The following ITGA8 variants were observed in gnomAD, a reference collection of about 807,000 sequenced individuals.
ITGA8 encodes the protein integrin subunit alpha 8.
In ITGA8, 91 loss-of-function variants were observed where a neutral mutation model predicts 142.3. That is an observed-to-expected ratio of 0.64 (90% CI 0.54 to 0.76). ITGA8 has a LOEUF of 0.76. Among genes scored for constraint, ITGA8 ranks in the 30% least tolerant of loss-of-function variants. The pLI, the probability that ITGA8 is intolerant of heterozygous loss-of-function variation, is 0.00. For missense variants in ITGA8, 1,406 were observed against 1,327.7 expected, an observed-to-expected ratio of 1.06 and a Z score of -0.92; for synonymous variants, 505 against 485.2, an observed-to-expected ratio of 1.04 and a Z score of -0.54.
chr10:15,669,363 G>C (rs899836676), intron 8 of ITGA8, among the ~76,000 whole-genome samples: 1 of 152,176 alleles, frequency 6.6e-6, no homozygotes, highest in African/African-American at 2.4e-5. Flanking sequence ...TTGGTTTTCA[G>C]CTCCATCAGG....
chr10:15,682,819 A>C (rs1266410941), intron 4 of ITGA8, among the ~76,000 whole-genome samples: 3 of 145,330 alleles, frequency 2.1e-5, no homozygotes, highest in Admixed American at 7.1e-5. Flanking sequence ...ACACTATTGC[A>C]CTCCAGCCTG....
chr10:15,637,105 G>A (rs1441692615), intron 13 of ITGA8, among the ~76,000 whole-genome samples: 3 of 152,158 alleles, frequency 2.0e-5, no homozygotes, highest in Admixed American at 6.5e-5. Flanking sequence ...AGATTGTGAC[G>A]CTGCACTCCA....
chr10:15,687,836 A>C, intron 3 of ITGA8, 102 bp downstream of exon 3: 2 of 731,208 alleles, frequency 2.7e-6, no homozygotes, highest in Admixed American at 4.0e-5. Flanking sequence ...TGAAAGTCTA[A>C]CATGTTCCTT....
intron 13 of ITGA8, among the ~76,000 whole-genome samples, chr10:15,630,431 C>T (rs553727568): frequency 1.3e-5 from 2 of 152,170 alleles, no homozygotes; most frequent in South Asian, 4.1e-4. Flanking sequence ...TGAGTAACGC[C>T]AAATCCACTC....
chr10:15,643,075 A>G (rs1588693599), intron 13 of ITGA8, among the ~76,000 whole-genome samples: 1 of 152,360 alleles, frequency 6.6e-6, no homozygotes, highest in East Asian at 1.9e-4. Context: ...AAAAACCTGG[A>G]CAGTGAAATA....
At position 15,604,219 on chromosome 10, in the gene ITGA8, G is replaced by T. The variant is rs150974250; in HGVS notation, c.2107C>A (p.Arg703Ser). The stretch of plus-strand genomic sequence containing the variant: ...TTTGCAGGCATTACCTTGTTGTTGC[G>T]TTCGATTCCAACATAATCTGCCTCT... ...PEEADYVGIE[R>S]NNKGFRPLSC... is the part of the protein sequence containing the mutation. The change falls in exon 20 of 30, where the codon CGC (arginine) becomes AGC (serine). Residue 703 changes from arginine to serine, a missense_variant. Physicochemically the swap from Arg to Ser is moderately radical, Grantham distance 110 (BLOSUM62 -1). Transcript: ENST00000378076. The T allele has an allele frequency of 2.5e-6, 4 of 1,609,438 alleles. No homozygotes were observed. Among genetic ancestry groups the T allele is most frequent in the Non-Finnish European group, 3.4e-6 (4 of 1,178,562 alleles).
intron 13 of ITGA8, among the ~76,000 whole-genome samples, chr10:15,617,518 C>G (rs979965009): frequency 3.3e-5 from 5 of 152,102 alleles, no homozygotes; most frequent in Non-Finnish European, 5.9e-5. Flanking sequence ...CCTGCCTCAG[C>G]CTCCCAAGTA....
intron 10 of ITGA8, among the ~76,000 whole-genome samples, chr10:15,657,819 G>C (rs1834214644): frequency 6.6e-6 from 1 of 152,058 alleles, no homozygotes; most frequent in South Asian, 2.1e-4. Context: ...GCGTAGTTCT[G>C]TTTGTAAATA....
At position 15,575,732 on chromosome 10, in the gene ITGA8, T is replaced by C. The variant is rs148399131; in HGVS notation, c.2373-138A>G. 1.4e-5 allele frequency: 9 copies of C among 640,726 alleles called. No homozygotes were observed. The African/African-American group carries it at 1.5e-4, about 10-fold the overall frequency. 39.7% of individuals were successfully genotyped at this position (640,726 alleles called of 1,614,324 possible). ...TAGATACTCCCTACAGGGAAAAATA[T>C]TGAAAGTGATGTACAGTAGAATGAC... On this transcript the variant is annotated intron_variant, in intron 23 of 29. Coordinates refer to ENST00000378076, the MANE Select transcript of ITGA8 (RefSeq NM_003638.3).
chr10:15,644,819 C>T lies in ITGA8; in HGVS notation c.1208-598G>A, dbSNP rs890925998. Among the ~76,000 whole-genome samples, 9 of 151,792 alleles carry T rather than the reference C, an allele frequency of 5.9e-5. No individual in the cohort carries two copies. The East Asian group carries it at 7.8e-4, about 13-fold the overall frequency. ...TTTATTAAGAGCCTCCAGGGCCTGGCGCGGTGGCTCACACCTGTAATCCCA... is the reference window on the plus strand; with the variant it reads ...TTTATTAAGAGCCTCCAGGGCCTGGTGCGGTGGCTCACACCTGTAATCCCA... On this transcript the variant is annotated intron_variant, in intron 12 of 29. Coordinates refer to ENST00000378076, the MANE Select transcript of ITGA8 (RefSeq NM_003638.3).
chr10:15,719,669 C>A lies in ITGA8; in HGVS notation c.103G>T (p.Ala35Ser), dbSNP rs1835524168. The A allele has an allele frequency of 1.3e-6, 2 of 1,505,978 alleles. No homozygotes were observed. Among genetic ancestry groups the A allele is most frequent in the African/African-American group, 1.5e-5 (1 of 68,584 alleles). 93.3% of individuals were successfully genotyped at this position (1,505,978 alleles called of 1,614,324 possible). A position where few individuals can be genotyped will look rare whatever the true frequency, so the allele number is the denominator to read the frequency against. Residue 35 changes from alanine (A) to serine (S), a missense_variant, in exon 1 of 30, where the codon GCC becomes TCC. Transcript: ENST00000378076. ...ACGTCCAGGTTGAACGCCTGACAGG[C>A]GGGGGACCACAGCAACATCCCCAGC... ...AALGMLLWSPACQAFNLDVEK... is the reference protein window; with the variant it reads ...AALGMLLWSPSCQAFNLDVEK...
chr10:15,644,066 TTAAAG>T lies in ITGA8; in HGVS notation c.1358_1362del (p.Thr453LysfsTer10), dbSNP rs1833919230. 6.2e-7 allele frequency: 1 copy of T among 1,613,914 alleles called. No individual in the cohort carries two copies. The highest frequency in any genetic ancestry group is 1.1e-5 in the South Asian group (1 of 91,050). On this transcript the variant is annotated frameshift_variant, in exon 13 of 30. Transcript: ENST00000378076. LOFTEE classifies it high-confidence loss of function. ...TTCTTGTCTATGTCTGAATCTCCTCTTAAAGTAAAGCCAAATCCGGAAGGGACAGC... is the reference window on the plus strand; with the variant it reads ...TTCTTGTCTATGTCTGAATCTCCTCTTAAAGCCAAATCCGGAAGGGACAGC...
chr10:15,696,861 C>CACAAA (rs1554788842), intron 2 of ITGA8, among the ~76,000 whole-genome samples: 1 of 52,564 alleles, frequency 1.9e-5, no homozygotes, highest in African/African-American at 6.3e-5. Flanking sequence ...TAACTCTTAC[C>CACAAA]AAAAAAAAAA....
chr10:15,684,426 G>A (rs920927471), intron 3 of ITGA8, among the ~76,000 whole-genome samples: 2 of 152,026 alleles, frequency 1.3e-5, no homozygotes, highest in African/African-American at 4.8e-5. Context: ...GAGTGCAGAG[G>A]CATGATCACA....
chr10:15,584,236 G>C (rs1209827300), intron 23 of ITGA8, among the ~76,000 whole-genome samples: 1 of 152,200 alleles, frequency 6.6e-6, no homozygotes, highest in Admixed American at 6.5e-5. Context: ...GGGAGAGGTT[G>C]CAGTGAGCTG....
intron 27 of ITGA8, among the ~76,000 whole-genome samples, chr10:15,538,592 A>C (rs1833502698): frequency 6.6e-6 from 1 of 151,818 alleles, no homozygotes; most frequent in African/African-American, 2.4e-5. Flanking sequence ...AGCAGAATCT[A>C]ATTTGAAAAG....
intron 8 of ITGA8, among the ~76,000 whole-genome samples, chr10:15,664,706 C>T (rs1210830511): frequency 6.7e-6 from 1 of 148,786 alleles, no homozygotes; most frequent in African/African-American, 2.5e-5. Flanking sequence ...GTGATGCTCC[C>T]CTTCCTGTGT....
chr10:15,683,952 G>T, intron 4 of ITGA8, 52 bp downstream of exon 4: 1 of 1,609,158 alleles, frequency 6.2e-7, no homozygotes, highest in Non-Finnish European at 8.5e-7. Flanking sequence ...TCCTGTCTAC[G>T]ATAGAAAAGC....
rs147487876 is a variant in ITGA8 at position 15,592,828 on chromosome 10, G to A, written c.2212-524C>T. The stretch of plus-strand genomic sequence containing the variant: ...TCTGGTCTTGAACTCCTGATTTCAC[G>A]CAATTCTCCTGCCTTGGCCTCCCAA... On this transcript the variant is annotated intron_variant, in intron 21 of 29. Transcript: ENST00000378076. Among the ~76,000 whole-genome samples the A allele has an allele frequency of 5.9e-3, 899 of 152,238 alleles. 3 individuals are homozygous for A. The highest frequency in any genetic ancestry group is 8.8e-3 in the Non-Finnish European group (600 of 68,014).
Sources: gnomAD v4.1 joint callset for allele counts (sites outside exome capture counted in the v4.1 genomes callset) on GRCh38, gnomAD v4.1.1 for gene constraint, MANE v1.5 for transcripts, NCBI Gene and HGNC (gene_info 2026-07-23, HGNC 2026-07-21) for gene names.